Variants in EXOC6B observed in about 807,000 individuals in gnomAD.
The protein encoded by EXOC6B is SEC15 homolog B.
Under a neutral mutation model 113.5 loss-of-function variants are expected in EXOC6B, and 54 were observed. The ratio of observed to expected loss-of-function variants is 0.48; its 90% CI spans 0.38 to 0.60. EXOC6B has a LOEUF of 0.60. EXOC6B is among the 20% of genes least tolerant of loss of function. The pLI, the probability that EXOC6B is intolerant of heterozygous loss-of-function variation, is 0.00. For missense variants in EXOC6B, 797 were observed against 977.5 expected (o/e 0.82, Z 2.46); for synonymous variants, 357 against 339.0 (o/e 1.05, Z -0.58).
chr2:72,323,618 A>T (rs1687967038), intron 20 of EXOC6B, among the ~76,000 whole-genome samples: 1 of 152,206 alleles, frequency 6.6e-6, no homozygotes, highest in Non-Finnish European at 1.5e-5. Context: ...GGATAAAGAA[A>T]ATGTGGCACA....
chr2:72,385,682 A>G (rs1691974979), intron 18 of EXOC6B, among the ~76,000 whole-genome samples: 1 of 152,182 alleles, frequency 6.6e-6, no homozygotes, highest in Non-Finnish European at 1.5e-5. Flanking sequence ...AAATAAACTG[A>G]TTAAAAAATG....
intron 6 of EXOC6B, among the ~76,000 whole-genome samples, chr2:72,678,754 G>A (rs547775217): frequency 2.0e-5 from 3 of 152,178 alleles, no homozygotes; most frequent in South Asian, 2.1e-4. Context: ...TAAAACACAC[G>A]CCACAACAGT....
At chr2:72,507,040 G>A (rs900856364) in intron 11 of EXOC6B, among the ~76,000 whole-genome samples, 4 of 151,944 alleles carry the variant, frequency 2.6e-5, no homozygotes, top group African/African-American at 7.2e-5. Flanking sequence ...AATCAGCACT[G>A]AGAATGTTGC....
chr2:72,370,120 A>T (rs1690906364), intron 19 of EXOC6B, among the ~76,000 whole-genome samples: 1 of 152,204 alleles, frequency 6.6e-6, no homozygotes, highest in South Asian at 2.1e-4. Flanking sequence ...CATCTGACAA[A>T]GGGCTAATAT....
chr2:72,629,616 G>C (rs1467197865), intron 6 of EXOC6B, among the ~76,000 whole-genome samples: 1 of 152,156 alleles, frequency 6.6e-6, no homozygotes, highest in East Asian at 1.9e-4. Context: ...GCAATCTTCT[G>C]TTCTCACAGA....
Position 72,340,771 on chromosome 2 carries a change from C to G in EXOC6B, c.2123-5751G>C, listed in dbSNP as rs139727626. ...AGCTGTTGTTGCTGTATTAACATAACGGTTTCCTGGTATCTGGCTCCCTGG... is the reference window on the plus strand; with the variant it reads ...AGCTGTTGTTGCTGTATTAACATAAGGGTTTCCTGGTATCTGGCTCCCTGG... On this transcript the variant is annotated intron_variant, in intron 19 of 21. Transcript: ENST00000272427. 2.6e-5 allele frequency among the ~76,000 whole-genome samples: 4 copies of G among 152,216 alleles called. No homozygotes were observed. The East Asian group carries it at 7.7e-4, about 29-fold the overall frequency.
At chr2:72,713,775 A>C (rs1679420521) in intron 6 of EXOC6B, among the ~76,000 whole-genome samples, 1 of 152,198 alleles carries the variant, frequency 6.6e-6, no homozygotes, top group Non-Finnish European at 1.5e-5. Flanking sequence ...AATGATGAAA[A>C]GATAAGATTG....
rs1214579738 is a variant in EXOC6B at position 72,823,475 on chromosome 2, A to AC, written c.113+2322_113+2323insG. ...AAGTTTTAAGAAAAAAAAAAAAAAA[A>AC]AAACAAAAAACAAAAAAAAAGACAG... On this transcript the variant is annotated intron_variant, in intron 1 of 21. Coordinates refer to ENST00000272427, the MANE Select transcript of EXOC6B (RefSeq NM_015189.3). Among the ~76,000 whole-genome samples, 270 of 112,466 alleles carry AC rather than the reference A, an allele frequency of 2.4e-3. 5 individuals carry two copies. The highest frequency in any genetic ancestry group is 9.6e-3 in the African/African-American group (253 of 26,226). 73.8% of individuals were successfully genotyped at this position (112,466 alleles called of 152,430 possible).
At chr2:72,664,602 T>C (rs1298616384) in intron 6 of EXOC6B, among the ~76,000 whole-genome samples, 1 of 152,194 alleles carries the variant, frequency 6.6e-6, no homozygotes, top group Non-Finnish European at 1.5e-5. Context: ...AATGTGGCCA[T>C]AGGCGCTCAC....
chr2:72,770,890 A>T (rs1683371956), intron 1 of EXOC6B, among the ~76,000 whole-genome samples: 7 of 152,184 alleles, frequency 4.6e-5, no homozygotes, highest in Admixed American at 4.6e-4. Context: ...TTAAAAATTC[A>T]AAGAAAAAAA....
chr2:72,394,676 A>T (rs1573021465), intron 18 of EXOC6B, among the ~76,000 whole-genome samples: 1 of 152,180 alleles, frequency 6.6e-6, no homozygotes, highest in East Asian at 1.9e-4. Flanking sequence ...TGTCTTTGAA[A>T]TTATTCAGTC....
chr2:72,474,028 T>C (rs1205968567), intron 17 of EXOC6B, among the ~76,000 whole-genome samples: 1 of 152,054 alleles, frequency 6.6e-6, no homozygotes, highest in Non-Finnish European at 1.5e-5. Flanking sequence ...TTTCGCTGGA[T>C]ATAGTATGTT....
intron 1 of EXOC6B, among the ~76,000 whole-genome samples, chr2:72,808,313 T>C (rs1054804951): frequency 1.2e-4 from 19 of 152,158 alleles, no homozygotes; most frequent in African/African-American, 3.4e-4. Context: ...TTTAACACAA[T>C]TGTAAACAGT....
chr2:72,698,899 T>A (rs958181387), intron 6 of EXOC6B, among the ~76,000 whole-genome samples: 4 of 152,180 alleles, frequency 2.6e-5, no homozygotes, highest in Non-Finnish European at 5.9e-5. Context: ...TCTTCACAAA[T>A]CATGAAGAAA....
intron 16 of EXOC6B, among the ~76,000 whole-genome samples, chr2:72,485,061 G>T (rs1184844216): frequency 6.6e-6 from 1 of 152,146 alleles, no homozygotes; most frequent in Non-Finnish European, 1.5e-5. Context: ...TCCACAATGG[G>T]TGAACTAATT....
intron 20 of EXOC6B, among the ~76,000 whole-genome samples, chr2:72,212,844 A>G (rs1322308856): frequency 6.6e-6 from 1 of 152,212 alleles, no homozygotes; most frequent in Non-Finnish European, 1.5e-5. Flanking sequence ...TTGAAGGAGA[A>G]CCTTAAGTGG....
At chr2:72,766,376 T>C (rs932045109) in intron 1 of EXOC6B, among the ~76,000 whole-genome samples, 12 of 152,150 alleles carry the variant, frequency 7.9e-5, no homozygotes, top group South Asian at 4.2e-4. Context: ...CAGTCCAAAA[T>C]TACCAAGTGT....
intron 6 of EXOC6B, among the ~76,000 whole-genome samples, chr2:72,590,541 G>T (rs112630958): frequency 6.6e-6 from 1 of 151,892 alleles, no homozygotes; most frequent in East Asian, 1.9e-4. Flanking sequence ...TCCACATTGA[G>T]GGTTTTTGTT....
chr2:72,243,663 A>G (rs1382284111), intron 20 of EXOC6B, among the ~76,000 whole-genome samples: 2 of 152,196 alleles, frequency 1.3e-5, no homozygotes, highest in African/African-American at 2.4e-5. Flanking sequence ...TAATGGGTGC[A>G]GCACACCAAC....
Sources: gnomAD v4.1 joint callset for allele counts (sites outside exome capture counted in the v4.1 genomes callset) on GRCh38, gnomAD v4.1.1 for gene constraint, MANE v1.5 for transcripts, NCBI Gene and HGNC (gene_info 2026-07-23, HGNC 2026-07-21) for gene names.